ERC2: variants seen among roughly 807,000 people sequenced by gnomAD.
ERC2 encodes ELKS/RAB6-interacting/CAST family member 2, also known as ERC protein 2.
In ERC2, 42 loss-of-function variants were observed where a neutral mutation model predicts 114.8. The ratio of observed to expected loss-of-function variants is 0.37; its 90% CI spans 0.29 to 0.47. ERC2 has a LOEUF of 0.47. ERC2 is among the 20% of genes least tolerant of loss of function. The pLI is 0.99. For synonymous variants in ERC2, 454 were observed against 425.5 expected, an observed-to-expected ratio of 1.07 and a Z score of -0.82; for missense variants, 939 against 1,150.7, an observed-to-expected ratio of 0.82 and a Z score of 2.66.
At chr3:56,086,929 G>C (rs1413673377) in intron 6 of ERC2, among the ~76,000 whole-genome samples, 3 of 152,032 alleles carry the variant, frequency 2.0e-5, no homozygotes, top group African/African-American at 7.2e-5. Context: ...AATTTTAAGG[G>C]CCCTTGACTC....
chr3:55,817,328 G>T (rs962856357), intron 14 of ERC2, among the ~76,000 whole-genome samples: 3 of 152,140 alleles, frequency 2.0e-5, no homozygotes, highest in Non-Finnish European at 4.4e-5. Flanking sequence ...AACGTGCACA[G>T]GTTCAGGAAA....
chr3:56,028,193 T>C (rs1477231888), intron 7 of ERC2, among the ~76,000 whole-genome samples: 1 of 152,148 alleles, frequency 6.6e-6, no homozygotes, highest in Non-Finnish European at 1.5e-5. Context: ...ACTGTCTTGA[T>C]TACAGTAACT....
chr3:56,429,569 C>A (rs908710151), intron 2 of ERC2, among the ~76,000 whole-genome samples: 1 of 152,170 alleles, frequency 6.6e-6, no homozygotes, highest in Non-Finnish European at 1.5e-5. Flanking sequence ...GGTTTATACA[C>A]CAAGATAACA....
At chr3:55,968,667 C>T (rs1464902404) in intron 12 of ERC2, among the ~76,000 whole-genome samples, 1 of 152,126 alleles carries the variant, frequency 6.6e-6, no homozygotes. Flanking sequence ...AAAAATGATA[C>T]ACGTTTATTT....
At chr3:56,292,639 T>C (rs150537590) in intron 3 of ERC2, among the ~76,000 whole-genome samples, 1 of 145,956 alleles carries the variant, frequency 6.9e-6, no homozygotes, top group East Asian at 2.0e-4. Flanking sequence ...AGTAAAATGG[T>C]TTAAGAGCTG....
intron 3 of ERC2, among the ~76,000 whole-genome samples, chr3:56,261,660 G>C (rs138049211): frequency 2.0e-5 from 3 of 152,144 alleles, no homozygotes; most frequent in Non-Finnish European, 4.4e-5. Context: ...GGAGCCTTTA[G>C]GATTCTCAAC....
chr3:55,797,867 T>C (rs2070644357), intron 14 of ERC2, among the ~76,000 whole-genome samples: 1 of 152,276 alleles, frequency 6.6e-6, no homozygotes, highest in East Asian at 1.9e-4. Flanking sequence ...TATCAAAAGT[T>C]ACTAGAAAGA....
At chr3:55,694,143 C>A (rs1263200282) in intron 16 of ERC2, among the ~76,000 whole-genome samples, 2 of 152,292 alleles carry the variant, frequency 1.3e-5, no homozygotes, top group African/African-American at 4.8e-5. Context: ...CATAAATACA[C>A]GTGGTTGCAT....
chr3:56,460,849 G>T (rs762233627), intron 1 of ERC2, among the ~76,000 whole-genome samples: 2 of 152,044 alleles, frequency 1.3e-5, no homozygotes, highest in Non-Finnish European at 2.9e-5. Context: ...GGCCTAGCGT[G>T]GTGGCTCACG....
intron 17 of ERC2, among the ~76,000 whole-genome samples, chr3:55,644,981 A>G (rs1403769661): frequency 1.3e-5 from 2 of 152,098 alleles, no homozygotes; most frequent in East Asian, 3.9e-4. Context: ...TGCAGTGGTC[A>G]TCTAGCGTGA....
chr3:56,447,491 A>G (rs949525018), intron 1 of ERC2, among the ~76,000 whole-genome samples: 1 of 152,218 alleles, frequency 6.6e-6, no homozygotes, highest in Non-Finnish European at 1.5e-5. Context: ...CGGAACTTCC[A>G]GCTAAACTGG....
At chr3:55,583,403 C>CTTCCTTCCTTCCTTCCTTCT (rs2057378576) in intron 17 of ERC2, among the ~76,000 whole-genome samples, 1 of 74,270 alleles carries the variant, frequency 1.3e-5, no homozygotes, top group Non-Finnish European at 3.3e-5. Flanking sequence ...TCCTTCTTTC[C>CTTCCTTCCTTCCTTCCTTCT]TTCCTTCCTT....
At chr3:56,277,692 T>C (rs371268164) in intron 3 of ERC2, among the ~76,000 whole-genome samples, 12 of 151,096 alleles carry the variant, frequency 7.9e-5, no homozygotes, top group African/African-American at 2.4e-4. Flanking sequence ...CGTTCACCCA[T>C]ATATTTTCAT....
chr3:56,233,506 T>C (rs2050756650), intron 3 of ERC2, among the ~76,000 whole-genome samples: 1 of 150,986 alleles, frequency 6.6e-6, no homozygotes, highest in Non-Finnish European at 1.5e-5. Flanking sequence ...TAGCCGGGAG[T>C]GGTGGCAGGT....
intron 7 of ERC2, among the ~76,000 whole-genome samples, chr3:56,045,076 T>C (rs1419929685): frequency 1.3e-5 from 2 of 152,184 alleles, no homozygotes. Flanking sequence ...AAAAATATAC[T>C]TTAAAACTGA....
At chr3:55,787,074 T>C (rs1425559724) in intron 14 of ERC2, among the ~76,000 whole-genome samples, 1 of 152,138 alleles carries the variant, frequency 6.6e-6, no homozygotes, top group Non-Finnish European at 1.5e-5. Context: ...GGCAAGGTAA[T>C]TGGTGTCCCT....
chr3:55,633,245 C>A (rs2059827530), intron 17 of ERC2, among the ~76,000 whole-genome samples: 1 of 152,202 alleles, frequency 6.6e-6, no homozygotes, highest in Non-Finnish European at 1.5e-5. Context: ...CCCCCAGCAA[C>A]TGAAAGAGTA....
intron 6 of ERC2, among the ~76,000 whole-genome samples, chr3:56,085,964 T>A (rs1576870564): frequency 6.6e-6 from 1 of 152,084 alleles, no homozygotes; most frequent in African/African-American, 2.4e-5. Flanking sequence ...ATAAATAAAT[T>A]ACAATATGGG....
At chr3:55,893,460 C>T (rs373817788) in intron 13 of ERC2, among the ~76,000 whole-genome samples, 1 of 152,128 alleles carries the variant, frequency 6.6e-6, no homozygotes, top group Non-Finnish European at 1.5e-5. Context: ...ATGTACCTAA[C>T]CACCTGTTGA....
Sources: gnomAD v4.1 joint callset for allele counts (sites outside exome capture counted in the v4.1 genomes callset) on GRCh38, gnomAD v4.1.1 for gene constraint, MANE v1.5 for transcripts, NCBI Gene and HGNC (gene_info 2026-07-23, HGNC 2026-07-21) for gene names.